The following NRXN1 variants were observed in gnomAD, a reference collection of about 807,000 sequenced individuals.
NRXN1 encodes neurexin-1.
Under a neutral mutation model 150.9 loss-of-function variants are expected in NRXN1, and 39 were observed. The observed-to-expected ratio is 0.26, with a 90% CI of 0.20 to 0.34. NRXN1 has a LOEUF of 0.34. NRXN1 is among the 10% of genes least tolerant of loss of function. NRXN1 has a pLI of 1.00. For missense variants in NRXN1, 1,815 were observed against 1,949.9 expected, an observed-to-expected ratio of 0.93 and a Z score of 1.30; for synonymous variants, 924 against 757.0, an observed-to-expected ratio of 1.22 and a Z score of -3.62.
chr2:50,589,684 A>G (rs1295965031), intron 8 of NRXN1, among the ~76,000 whole-genome samples: 1 of 36,188 alleles, frequency 2.8e-5, no homozygotes, highest in African/African-American at 4.5e-5. Context: ...CACTTTACCA[A>G]TGAGGAAATC....
At position 49,922,095 on chromosome 2, in the gene NRXN1, C is replaced by T. The variant is rs763582196; in HGVS notation, c.4373G>A (p.Arg1458Gln). 1.9e-6 allele frequency: 3 copies of T among 1,613,986 alleles called. No individual in the cohort carries two copies. The highest frequency in any genetic ancestry group is 1.7e-5 in the Admixed American group (1 of 59,996). Residue 1458 changes from arginine to glutamine, a missense_variant, in exon 23 of 23, where the codon CGG (arginine) becomes CAG (glutamine). Around this residue, in one of 6 missense-constraint regions of NRXN1, gnomAD observed 265 missense variants for 307.1 expected, o/e 0.86. Transcript: ENST00000401669. ...GTCCACATGGTATGAGCCTTCATCC[C>T]GGTTTCTGTACTTGTACATGGCATA... is the stretch of plus-strand genomic sequence containing the variant. Reference protein sequence around the residue: ...LLYAMYKYRNRDEGSYHVDES... With the variant: ...LLYAMYKYRNQDEGSYHVDES...
At chr2:50,240,727 G>T (rs978083209) in intron 17 of NRXN1, among the ~76,000 whole-genome samples, 2 of 151,538 alleles carry the variant, frequency 1.3e-5, no homozygotes, top group African/African-American at 4.8e-5. Flanking sequence ...TCTGTATTGG[G>T]ATTCCTATTT....
chr2:50,811,830 G>T (rs933588625), intron 5 of NRXN1, among the ~76,000 whole-genome samples: 2 of 152,132 alleles, frequency 1.3e-5, no homozygotes, highest in Admixed American at 6.6e-5. Flanking sequence ...ATTGATTTCT[G>T]CTGGAGTAAA....
chr2:50,681,333 G>C (rs536504264), intron 5 of NRXN1, among the ~76,000 whole-genome samples: 1 of 152,144 alleles, frequency 6.6e-6, no homozygotes, highest in Non-Finnish European at 1.5e-5. Context: ...GAATGATCTT[G>C]ATCTCTTTTA....
intron 5 of NRXN1, among the ~76,000 whole-genome samples, chr2:50,850,403 C>T (rs1044022647): frequency 2.0e-5 from 3 of 152,118 alleles, no homozygotes; most frequent in African/African-American, 7.2e-5. Context: ...CTCTGGAACT[C>T]AGAAAATAGA....
intron 12 of NRXN1, among the ~76,000 whole-genome samples, chr2:50,524,145 A>G (rs1028353370): frequency 6.6e-6 from 1 of 152,188 alleles, no homozygotes; most frequent in Non-Finnish European, 1.5e-5. Flanking sequence ...CAAGCCCCAG[A>G]GATCATGAGT....
chr2:51,018,411 C>T (rs1669078246), intron 2 of NRXN1, among the ~76,000 whole-genome samples: 1 of 152,060 alleles, frequency 6.6e-6, no homozygotes, highest in East Asian at 1.9e-4. Context: ...CAGGTCAGCA[C>T]TTTGGCTTGC....
intron 17 of NRXN1, among the ~76,000 whole-genome samples, chr2:50,360,982 C>T (rs909005310): frequency 7.9e-5 from 12 of 152,064 alleles, no homozygotes; most frequent in East Asian, 3.9e-4. Context: ...CACAACTACA[C>T]GGAAACTGAA....
chr2:50,347,615 T>C lies in NRXN1; in HGVS notation c.3365-110645A>G, dbSNP rs1419774811. 8.0e-6 allele frequency: 8 copies of C among 1,005,444 alleles called. No individual in the cohort carries two copies. Among genetic ancestry groups the C allele is most frequent in the African/African-American group, 1.7e-5 (1 of 57,248 alleles). 62.3% of individuals were successfully genotyped at this position (1,005,444 alleles called of 1,614,324 possible). ...TCCGCGTCCGCCGCCTCCTGACACT[T>C]ACGCCCGGCGAGGGGTTCAGAGGGA... On this transcript the variant is annotated intron_variant, in intron 17 of 22. Coordinates refer to ENST00000401669, the MANE Select transcript of NRXN1 (RefSeq NM_001330078.2). This position sits in a 1 kb window ranked among gnomAD's most constrained non-coding sequence, Gnocchi z 4.9.
At chr2:50,917,770 T>A (rs1685424273) in intron 5 of NRXN1, 1 of 151,704 alleles carries the variant, frequency 6.6e-6, no homozygotes, top group African/African-American at 2.4e-5. Flanking sequence ...TCCAGACGTT[T>A]GAGAAATAAG....
intron 18 of NRXN1, among the ~76,000 whole-genome samples, chr2:50,172,598 C>T (rs1003304343): frequency 2.6e-5 from 4 of 152,160 alleles, no homozygotes; most frequent in Admixed American, 6.5e-5. Flanking sequence ...ACTGGATGGC[C>T]TGTTAACATC....
intron 5 of NRXN1, among the ~76,000 whole-genome samples, chr2:50,660,151 G>A (rs1454784516): frequency 1.3e-5 from 2 of 151,972 alleles, no homozygotes; most frequent in East Asian, 3.9e-4. Flanking sequence ...ATTATAGTAA[G>A]CAATGTCACA....
chr2:50,191,602 A>G (rs1297301035), intron 18 of NRXN1, among the ~76,000 whole-genome samples: 1 of 152,120 alleles, frequency 6.6e-6, no homozygotes, highest in Non-Finnish European at 1.5e-5. Context: ...TCCATCCTTG[A>G]GACTTGTCAA....
At chr2:50,418,096 G>A (rs2083686867) in intron 17 of NRXN1, among the ~76,000 whole-genome samples, 1 of 151,940 alleles carries the variant, frequency 6.6e-6, no homozygotes, top group African/African-American at 2.4e-5. Context: ...AGAAGCTGGA[G>A]GAAAAATAAA....
chr2:50,988,515 G>A (rs774393629), intron 2 of NRXN1, among the ~76,000 whole-genome samples: 7 of 151,822 alleles, frequency 4.6e-5, no homozygotes, highest in Non-Finnish European at 7.4e-5. Flanking sequence ...CAATCCATCC[G>A]TAAATGACTG....
intron 5 of NRXN1, among the ~76,000 whole-genome samples, chr2:50,633,674 T>C (rs1573898368): frequency 6.6e-6 from 1 of 152,242 alleles, no homozygotes; most frequent in Non-Finnish European, 1.5e-5. Flanking sequence ...TGAAAACCTA[T>C]GGCATATCTT....
chr2:50,488,454 G>C (rs1460833906), intron 15 of NRXN1, among the ~76,000 whole-genome samples: 1 of 152,210 alleles, frequency 6.6e-6, no homozygotes, highest in East Asian at 1.9e-4. Context: ...CTAGTGTGCA[G>C]AGCAGGAGAG....
At chr2:50,772,409 T>C (rs577329250) in intron 5 of NRXN1, among the ~76,000 whole-genome samples, 3 of 151,844 alleles carry the variant, frequency 2.0e-5, no homozygotes, top group East Asian at 3.9e-4. Flanking sequence ...AAGATGGTCA[T>C]GGCATTGCCT....
At chr2:50,535,651 T>C (rs577253529) in intron 10 of NRXN1, among the ~76,000 whole-genome samples, 1 of 152,340 alleles carries the variant, frequency 6.6e-6, no homozygotes, top group Admixed American at 6.5e-5. Context: ...TAAATTTAAC[T>C]TTTATTCATT....
Sources: gnomAD v4.1 joint callset for allele counts (sites outside exome capture counted in the v4.1 genomes callset) on GRCh38, gnomAD v4.1.1 for gene constraint, gnomAD v4.1.1 regional missense constraint, Gnocchi (gnomAD v3.1) non-coding constraint, MANE v1.5 for transcripts, NCBI Gene and HGNC (gene_info 2026-07-23, HGNC 2026-07-21) for gene names.